The following LHFPL3 variants were observed in gnomAD, a reference collection of about 807,000 sequenced individuals.
LHFPL3 encodes LHFPL tetraspan subfamily member 3 protein.
A neutral mutation model predicts 19.3 loss-of-function variants in LHFPL3; 5 were observed. The ratio of observed to expected loss-of-function variants is 0.26; its 90% CI spans 0.14 to 0.54. The LOEUF (loss-of-function observed/expected upper bound fraction) is 0.54. Ranked by LOEUF, LHFPL3 falls within the 20% of genes least tolerant of loss-of-function variation. The probability of loss-of-function intolerance (pLI) is 0.94; values close to 1 mark genes in which losing one functional copy is unlikely to be tolerated. For missense variants in LHFPL3, 249 were observed against 307.4 expected, an observed-to-expected ratio of 0.81 and a Z score of 1.42; for synonymous variants, 133 against 126.2, an observed-to-expected ratio of 1.05 and a Z score of -0.36.
intron 1 of LHFPL3, among the ~76,000 whole-genome samples, chr7:104,671,318 T>A (rs899779169): frequency 2.0e-5 from 3 of 152,090 alleles, no homozygotes; most frequent in Non-Finnish European, 2.9e-5. Flanking sequence ...CCTCTTCATG[T>A]CTACTCTCCT....
At chr7:104,632,924 G>C (rs1248903113) in intron 1 of LHFPL3, among the ~76,000 whole-genome samples, 2 of 152,230 alleles carry the variant, frequency 1.3e-5, no homozygotes, top group Non-Finnish European at 2.9e-5. Context: ...CAAAGTGCTA[G>C]ATTACAGGCA....
At position 104,588,079 on chromosome 7, in the gene LHFPL3, T is replaced by G. The variant is rs147439174; in HGVS notation, c.446-148596T>G. Among the ~76,000 whole-genome samples the G allele has an allele frequency of 4.9e-3, 752 of 152,352 alleles. 7 individuals carry two copies. The highest frequency in any genetic ancestry group is 0.017 in the African/African-American group (716 of 41,584). ...CATTCTGTAGGTTGCCTGTTCACTC[T>G]GATGGCACTTTCTTTTGCTGTGCAA... is the stretch of plus-strand genomic sequence containing the variant. On this transcript the variant is annotated intron_variant, in intron 1 of 2. Coordinates refer to ENST00000424859, the MANE Select transcript of LHFPL3 (RefSeq NM_199000.3).
rs112112046 is a variant in LHFPL3 at position 104,730,207 on chromosome 7, G to A, written c.446-6468G>A. On this transcript the variant is annotated intron_variant, in intron 1 of 2. Transcript: ENST00000424859. Reference sequence around the variant, plus strand: ...CTGAGTAGTGCCACAGTAAACATACGTGTACATGTGTCTTTATAGCAGCAT... The same window carrying A: ...CTGAGTAGTGCCACAGTAAACATACATGTACATGTGTCTTTATAGCAGCAT... 9.2e-5 allele frequency among the ~76,000 whole-genome samples: 14 copies of A among 152,230 alleles called. 1 individual carries two copies. Among genetic ancestry groups the A allele is most frequent in the African/African-American group, 2.9e-4 (12 of 41,516 alleles).
intron 1 of LHFPL3, among the ~76,000 whole-genome samples, chr7:104,482,175 A>G (rs1253684532): frequency 6.6e-6 from 1 of 152,168 alleles, no homozygotes. Context: ...ACTCCTGGGA[A>G]ATCCCACTGA....
intron 2 of LHFPL3, among the ~76,000 whole-genome samples, chr7:104,800,748 T>C (rs550649107): frequency 2.6e-5 from 4 of 152,150 alleles, no homozygotes; most frequent in South Asian, 2.1e-4. Flanking sequence ...GCCAGGCAGA[T>C]AGTGTTGAAA....
chr7:104,697,762 G>A (rs1471788906), intron 1 of LHFPL3, among the ~76,000 whole-genome samples: 1 of 152,116 alleles, frequency 6.6e-6, no homozygotes, highest in East Asian at 1.9e-4. Context: ...ATTATCTTAA[G>A]TATAAGGGGG....
chr7:104,729,152 T>C (rs1290019555), intron 1 of LHFPL3, among the ~76,000 whole-genome samples: 1 of 152,160 alleles, frequency 6.6e-6, no homozygotes, highest in Non-Finnish European at 1.5e-5. Context: ...TCAGCCTTAC[T>C]AAAAATGAAA....
intron 2 of LHFPL3, among the ~76,000 whole-genome samples, chr7:104,892,640 G>A (rs1030662672): frequency 1.4e-5 from 2 of 148,026 alleles, no homozygotes; most frequent in African/African-American, 5.0e-5. Flanking sequence ...GAACCCGGGA[G>A]GCAGAGGTTG....
chr7:104,785,107 T>A (rs1003938507), intron 2 of LHFPL3: 1 of 152,216 alleles, frequency 6.6e-6, no homozygotes, highest in Non-Finnish European at 1.5e-5. Flanking sequence ...TTAATTTTTT[T>A]AAAAAAGTGG....
intron 1 of LHFPL3, among the ~76,000 whole-genome samples, chr7:104,421,992 C>T: frequency 6.6e-6 from 1 of 152,174 alleles, no homozygotes. Context: ...CCATCTGCAA[C>T]CTGCAAAACG....
intron 1 of LHFPL3, among the ~76,000 whole-genome samples, chr7:104,550,617 A>G (rs748544971): frequency 2.6e-5 from 4 of 152,206 alleles, no homozygotes; most frequent in Non-Finnish European, 5.9e-5. Flanking sequence ...CCCAAAAGCC[A>G]TGATGAGTCA....
At chr7:104,790,458 T>C (rs1400557396) in intron 2 of LHFPL3, among the ~76,000 whole-genome samples, 1 of 152,092 alleles carries the variant, frequency 6.6e-6, no homozygotes, top group Admixed American at 6.6e-5. Flanking sequence ...TTTCTGGAAT[T>C]TGCTTGCACT....
chr7:104,804,140 G>A (rs1323849790), intron 2 of LHFPL3: 2 of 152,178 alleles, frequency 1.3e-5, no homozygotes, highest in Admixed American at 6.5e-5. Flanking sequence ...ATCTTTCCAG[G>A]ATTCCCAAGA....
chr7:104,787,116 T>C (rs1789934295), intron 2 of LHFPL3, among the ~76,000 whole-genome samples: 1 of 152,252 alleles, frequency 6.6e-6, no homozygotes, highest in Non-Finnish European at 1.5e-5. Flanking sequence ...ACTGTTCTCA[T>C]AGTTGCATTG....
chr7:104,618,668 T>TA (rs201786906), intron 1 of LHFPL3, among the ~76,000 whole-genome samples: 28,419 of 147,062 alleles, frequency 0.19, 3,203 homozygotes, highest in South Asian at 0.4. Context: ...GTTGATTCTT[T>TA]AAAAAAAAAA....
intron 1 of LHFPL3, among the ~76,000 whole-genome samples, chr7:104,376,840 C>CT (rs778772195): frequency 9.1e-4 from 139 of 152,074 alleles, no homozygotes; most frequent in Non-Finnish European, 1.5e-3. Context: ...CCCAAATTGA[C>CT]TTTTTTTTCT....
intron 1 of LHFPL3, among the ~76,000 whole-genome samples, chr7:104,487,048 G>C (rs188325036): frequency 6.6e-6 from 1 of 151,142 alleles, no homozygotes. Context: ...ACTGTCTTTC[G>C]TTTTTCCTGC....
intron 1 of LHFPL3, among the ~76,000 whole-genome samples, chr7:104,724,517 G>T (rs1237206767): frequency 2.0e-5 from 3 of 152,110 alleles, no homozygotes; most frequent in Non-Finnish European, 2.9e-5. Flanking sequence ...AGAGAAATTA[G>T]AAAGGGATAA....
At chr7:104,353,141 T>C (rs1790211237) in intron 1 of LHFPL3, among the ~76,000 whole-genome samples, 1 of 152,254 alleles carries the variant, frequency 6.6e-6, no homozygotes, top group African/African-American at 2.4e-5. Context: ...CCAGACATTT[T>C]ATTCATTTTA....
Sources: gnomAD v4.1 joint callset for allele counts (sites outside exome capture counted in the v4.1 genomes callset) on GRCh38, gnomAD v4.1.1 for gene constraint, MANE v1.5 for transcripts, NCBI Gene and HGNC (gene_info 2026-07-23, HGNC 2026-07-21) for gene names.